PABPC4L: variants seen among roughly 807,000 people sequenced by gnomAD.
The protein encoded by PABPC4L is polyadenylate-binding protein 4-like.
For missense variants in PABPC4L, 452 were observed against 451.4 expected, an observed-to-expected ratio of 1.00 and a Z score of -0.01; for synonymous variants, 169 against 164.1, an observed-to-expected ratio of 1.03 and a Z score of -0.23.
the PABPC4L span, among the ~76,000 whole-genome samples, chr4:134,055,147 T>C: frequency 6.6e-6 from 1 of 152,052 alleles, no homozygotes; most frequent in Admixed American, 6.6e-5. Context: ...GTCTTCCCCA[T>C]AAAAATCATA....
the PABPC4L span, among the ~76,000 whole-genome samples, chr4:134,037,056 CAA>C: frequency 0.37 from 51,638 of 141,174 alleles, 10,901 homozygotes; most frequent in East Asian, 0.9. Flanking sequence ...AACTCCATCT[CAA>C]AAAAAAAAAA....
At chr4:133,961,562 G>C in the PABPC4L span, among the ~76,000 whole-genome samples, 1 of 152,166 alleles carries the variant, frequency 6.6e-6, no homozygotes, top group African/African-American at 2.4e-5. Flanking sequence ...ACAATGGTCA[G>C]GATATAAACC....
chr4:134,188,527 A>T, the PABPC4L span, among the ~76,000 whole-genome samples: 1 of 151,964 alleles, frequency 6.6e-6, no homozygotes, highest in South Asian at 2.1e-4. Flanking sequence ...TGGTTTGAGG[A>T]AGTTTTCATT....
chr4:134,111,357 G>A, the PABPC4L span, among the ~76,000 whole-genome samples: 10 of 151,732 alleles, frequency 6.6e-5, no homozygotes, highest in Middle Eastern at 6.8e-3. Flanking sequence ...TTTTGGAGAG[G>A]AAAAAAACAT....
the PABPC4L span, among the ~76,000 whole-genome samples, chr4:133,978,229 G>A: frequency 6.6e-6 from 1 of 152,186 alleles, no homozygotes; most frequent in African/African-American, 2.4e-5. Flanking sequence ...TGAGGGCTCT[G>A]TTGCTCCACC....
chr4:134,044,404 C>T, the PABPC4L span, among the ~76,000 whole-genome samples: 1 of 152,070 alleles, frequency 6.6e-6, no homozygotes, highest in African/African-American at 2.4e-5. Context: ...GCTGGGACTA[C>T]AGGCATCCGC....
chr4:134,199,746 GA>G lies in PABPC4L; in HGVS notation c.*160del, dbSNP rs952496957. 71 of 899,554 alleles carry G rather than the reference GA, an allele frequency of 7.9e-5. No individual in the cohort carries two copies. Among genetic ancestry groups the G allele is most frequent in the Middle Eastern group, 3.6e-4 (1 of 2,816 alleles). 55.7% of individuals were successfully genotyped at this position (899,554 alleles called of 1,614,324 possible). A position where few individuals can be genotyped will look rare whatever the true frequency, so the allele number is the denominator to read the frequency against. On this transcript the variant is annotated 3_prime_UTR_variant, in exon 2 of 2. Coordinates refer to ENST00000421491, the MANE Select transcript of PABPC4L (RefSeq NM_001114734.2). ...AAGCTCCATCTATTTTTCCACAAAAGAAAAAAAATGGCTTTGTATAAAAAAC... is the reference window on the plus strand; with the variant it reads ...AAGCTCCATCTATTTTTCCACAAAAGAAAAAAATGGCTTTGTATAAAAAAC...
chr4:134,117,908 T>G, the PABPC4L span, among the ~76,000 whole-genome samples: 2 of 151,712 alleles, frequency 1.3e-5, no homozygotes, highest in Admixed American at 1.3e-4. Flanking sequence ...CCAACAATGA[T>G]CTGGGATGAA....
At chr4:134,031,350 T>A in the PABPC4L span, among the ~76,000 whole-genome samples, 1 of 152,022 alleles carries the variant, frequency 6.6e-6, no homozygotes, top group Admixed American at 6.6e-5. Context: ...TGTGTATTCA[T>A]CTCTTTTAAG....
At chr4:134,109,536 A>G in the PABPC4L span, among the ~76,000 whole-genome samples, 1 of 151,970 alleles carries the variant, frequency 6.6e-6, no homozygotes, top group Non-Finnish European at 1.5e-5. Flanking sequence ...TAATGTCCCT[A>G]TGGATATTAT....
chr4:134,072,194 G>T, the PABPC4L span, among the ~76,000 whole-genome samples: 1 of 152,032 alleles, frequency 6.6e-6, no homozygotes, highest in Non-Finnish European at 1.5e-5. Flanking sequence ...CCTATCAAAT[G>T]CATTGTCCCA....
the PABPC4L span, among the ~76,000 whole-genome samples, chr4:133,960,257 G>T: frequency 6.6e-6 from 1 of 152,172 alleles, no homozygotes; most frequent in Non-Finnish European, 1.5e-5. Flanking sequence ...TGCCCAAACT[G>T]CAGAAGTGGG....
At chr4:134,140,129 A>G in the PABPC4L span, among the ~76,000 whole-genome samples, 1 of 151,826 alleles carries the variant, frequency 6.6e-6, no homozygotes, top group African/African-American at 2.4e-5. Flanking sequence ...TACGTAGAAT[A>G]AATAAACTGA....
the PABPC4L span, among the ~76,000 whole-genome samples, chr4:133,996,739 G>A: frequency 1.3e-5 from 2 of 152,056 alleles, no homozygotes; most frequent in Non-Finnish European, 2.9e-5. Flanking sequence ...CCCAGGTAGG[G>A]GACCGCACTG....
chr4:134,057,057 T>C, the PABPC4L span, among the ~76,000 whole-genome samples: 1 of 152,078 alleles, frequency 6.6e-6, no homozygotes, highest in Non-Finnish European at 1.5e-5. Flanking sequence ...GTTATCTCCA[T>C]TCCTATTTTT....
At chr4:134,047,989 A>T in the PABPC4L span, among the ~76,000 whole-genome samples, 2 of 152,278 alleles carry the variant, frequency 1.3e-5, no homozygotes, top group Middle Eastern at 3.4e-3. Context: ...ACACTGTAAT[A>T]ATATTTTAGA....
At chr4:134,049,130 AT>A in the PABPC4L span, among the ~76,000 whole-genome samples, 1 of 152,044 alleles carries the variant, frequency 6.6e-6, no homozygotes, top group Non-Finnish European at 1.5e-5. Flanking sequence ...CCAATTACCC[AT>A]TTTGACAAGA....
At chr4:134,183,921 C>CGTGT in the PABPC4L span, among the ~76,000 whole-genome samples, 5 of 148,372 alleles carry the variant, frequency 3.4e-5, no homozygotes, top group Non-Finnish European at 4.5e-5. Flanking sequence ...TGTGTGTGTG[C>CGTGT]GTGTGTGTGT....
the PABPC4L span, among the ~76,000 whole-genome samples, chr4:134,139,565 G>T: frequency 6.6e-6 from 1 of 151,812 alleles, no homozygotes; most frequent in Admixed American, 6.6e-5. Context: ...TCCAAATAAG[G>T]TCTATTTTAG....
Sources: gnomAD v4.1 joint callset for allele counts (sites outside exome capture counted in the v4.1 genomes callset) on GRCh38, gnomAD v4.1.1 for gene constraint, MANE v1.5 for transcripts, NCBI Gene and HGNC (gene_info 2026-07-23, HGNC 2026-07-21) for gene names.